STK4: variants seen among roughly 807,000 people sequenced by gnomAD.
STK4 encodes the protein serine/threonine-protein kinase 4.
STK4 carries 30 observed loss-of-function variants against 64.9 expected under a neutral mutation model. The ratio of observed to expected loss-of-function variants is 0.46; its 90% confidence interval spans 0.35 to 0.63. The LOEUF (loss-of-function observed/expected upper bound fraction) is 0.63, where lower values mean the gene tolerates loss of function less well. Ranked by LOEUF, STK4 falls within the 20% of genes least tolerant of loss-of-function variation. The pLI is 0.01. For synonymous variants in STK4, 177 were observed against 199.0 expected (o/e 0.89, Z 0.93); for missense variants, 466 against 598.5 (o/e 0.78, Z 2.31).
chr20:45,050,603 C>T lies in STK4; in HGVS notation c.1306-24415C>T, dbSNP rs75286937. ...GCTTTATATTATTTACTGAATTTTCCATGGAATTCTTATTTTCTTTATTGA... is the reference window on the plus strand; with the variant it reads ...GCTTTATATTATTTACTGAATTTTCTATGGAATTCTTATTTTCTTTATTGA... On this transcript the variant is annotated intron_variant, in intron 10 of 10. Transcript: ENST00000372806. Among the ~76,000 whole-genome samples, 1,447 of 152,086 alleles carry T rather than the reference C, an allele frequency of 9.5e-3. 30 individuals carry two copies. The highest frequency in any genetic ancestry group is 0.033 in the African/African-American group (1,366 of 41,478).
At chr20:44,982,444 G>A (rs1210322426) in intron 4 of STK4, among the ~76,000 whole-genome samples, 1 of 151,958 alleles carries the variant, frequency 6.6e-6, no homozygotes, top group African/African-American at 2.4e-5. Flanking sequence ...CAATGTGGCA[G>A]TTTTGACACC....
At chr20:45,028,287 T>C (rs2068387166) in intron 10 of STK4, among the ~76,000 whole-genome samples, 1 of 152,148 alleles carries the variant, frequency 6.6e-6, no homozygotes, top group African/African-American at 2.4e-5. Context: ...TCCTGTCTTA[T>C]TGATAATAGC....
chr20:45,069,982 G>A (rs1979912115), intron 10 of STK4, among the ~76,000 whole-genome samples: 2 of 152,208 alleles, frequency 1.3e-5, no homozygotes, highest in African/African-American at 4.8e-5. Flanking sequence ...GAAAAGGCTT[G>A]CCTGCATCCT....
At chr20:45,044,179 C>T (rs1271207263) in intron 10 of STK4, among the ~76,000 whole-genome samples, 1 of 152,158 alleles carries the variant, frequency 6.6e-6, no homozygotes, top group Admixed American at 6.5e-5. Context: ...TTGAGGTTAA[C>T]GGAAATTTTC....
At chr20:45,021,282 A>G (rs1164987778) in intron 9 of STK4, among the ~76,000 whole-genome samples, 1 of 152,242 alleles carries the variant, frequency 6.6e-6, no homozygotes, top group Non-Finnish European at 1.5e-5. Context: ...AATTTATCTT[A>G]GATACTAATT....
intron 10 of STK4, among the ~76,000 whole-genome samples, chr20:45,028,790 T>A (rs2068396676): frequency 6.6e-6 from 1 of 152,238 alleles, no homozygotes; most frequent in Non-Finnish European, 1.5e-5. Context: ...GTGTAAAGAA[T>A]TTATTTCTCT....
intron 4 of STK4, among the ~76,000 whole-genome samples, chr20:44,985,899 A>T (rs1457505007): frequency 6.6e-6 from 1 of 152,164 alleles, no homozygotes; most frequent in Non-Finnish European, 1.5e-5. Flanking sequence ...AGCACACTCC[A>T]TTTCACATCT....
At chr20:45,027,769 C>G (rs1206152620) in intron 10 of STK4, among the ~76,000 whole-genome samples, 1 of 152,046 alleles carries the variant, frequency 6.6e-6, no homozygotes, top group African/African-American at 2.4e-5. Context: ...CCTCTTTCAC[C>G]TCTTTCCCAG....
Position 45,001,210 on chromosome 20 carries a change from G to A in STK4, c.1004G>A (p.Gly335Asp), listed in dbSNP as rs771955007. Residue 335 changes from glycine (G) to aspartate (D), a missense_variant, in exon 9 of 11, where the codon GGT (glycine) becomes GAT (aspartate). Gly to Asp is a moderately conservative substitution (Grantham distance 94). Around this residue, in one of 2 missense-constraint regions of STK4, gnomAD observed 276 missense variants for 308.9 expected, o/e 0.89. Transcript: ENST00000372806. Reference protein sequence around the residue: ...MDSGTMVRAVGDEMGTVRVAS... With the variant: ...MDSGTMVRAVDDEMGTVRVAS... ...TCTGGCACGATGGTTCGAGCAGTGG[G>A]TGATGAGATGGGCACTGTCCGAGTA... The A allele has an allele frequency of 5.0e-6, 8 of 1,613,932 alleles. No homozygotes were observed. Among genetic ancestry groups the A allele is most frequent in the African/African-American group, 2.7e-5 (2 of 74,928 alleles).
intron 7 of STK4, 32 bp from the exon 8 acceptor site, chr20:45,000,360 T>A: frequency 6.2e-7 from 1 of 1,605,262 alleles, no homozygotes; most frequent in Non-Finnish European, 8.5e-7. Context: ...CCATATAAAC[T>A]GTCTCCAGTA....
chr20:44,995,038 A>G (rs1170823248), intron 5 of STK4, 52 bp from the exon 6 acceptor site: 2 of 1,308,760 alleles, frequency 1.5e-6, no homozygotes, highest in Non-Finnish European at 2.0e-6. Context: ...TCCTCTGTGG[A>G]CATCTCAGTA....
At chr20:44,973,488 C>G (rs1778617972) in intron 2 of STK4, 3 of 152,238 alleles carry the variant, frequency 2.0e-5, no homozygotes. Flanking sequence ...TCAGCTTTAG[C>G]TTGCCATCCT....
intron 5 of STK4, among the ~76,000 whole-genome samples, chr20:44,988,333 G>A (rs1913185415): frequency 6.6e-6 from 1 of 151,498 alleles, no homozygotes; most frequent in Admixed American, 6.6e-5. Context: ...TGGCCAACAT[G>A]GTGAAACCCC....
At chr20:44,998,902 C>A (rs1250950163) in intron 7 of STK4, among the ~76,000 whole-genome samples, 1 of 151,944 alleles carries the variant, frequency 6.6e-6, no homozygotes, top group East Asian at 1.9e-4. Context: ...GAATCCCCAT[C>A]TCTACTAAAA....
chr20:45,038,288 T>A (rs1397490922), intron 10 of STK4, among the ~76,000 whole-genome samples: 1 of 151,292 alleles, frequency 6.6e-6, no homozygotes, highest in Non-Finnish European at 1.5e-5. Flanking sequence ...AAATATTTCA[T>A]GTGTATTTAT....
chr20:45,007,737 A>G (rs1436944571), intron 9 of STK4: 2 of 397,276 alleles, frequency 5.0e-6, no homozygotes, highest in Non-Finnish European at 9.9e-6. Context: ...TGTTTGTTCG[A>G]AACAATTGTT....
chr20:45,014,225 G>A (rs2068101192), intron 9 of STK4, among the ~76,000 whole-genome samples: 1 of 152,034 alleles, frequency 6.6e-6, no homozygotes, highest in African/African-American at 2.4e-5. Context: ...AGGAGTTCGA[G>A]ACCAGCCTGA....
At chr20:45,073,206 G>A (rs1157246523) in intron 10 of STK4, among the ~76,000 whole-genome samples, 2 of 152,046 alleles carry the variant, frequency 1.3e-5, no homozygotes, top group Admixed American at 1.3e-4. Flanking sequence ...GGTGTCCTTG[G>A]GCCAAGAACA....
At chr20:45,023,497 G>A (rs920028146) in intron 9 of STK4, among the ~76,000 whole-genome samples, 1 of 152,062 alleles carries the variant, frequency 6.6e-6, no homozygotes, top group Admixed American at 6.5e-5. Flanking sequence ...CCTTCTGGTT[G>A]TTTTTCCTGA....
Sources: gnomAD v4.1 joint callset for allele counts (sites outside exome capture counted in the v4.1 genomes callset) on GRCh38, gnomAD v4.1.1 for gene constraint, gnomAD v4.1.1 regional missense constraint, MANE v1.5 for transcripts, NCBI Gene and HGNC (gene_info 2026-07-23, HGNC 2026-07-21) for gene names.